SDAD1: variants seen among roughly 807,000 people sequenced by gnomAD.
SDAD1 encodes the protein protein SDA1 homolog.
SDAD1 carries 79 observed loss-of-function variants against 100.3 expected under a neutral mutation model. The ratio of observed to expected loss-of-function variants is 0.79; its 90% CI spans 0.66 to 0.95. The LOEUF is 0.95. Ranked by LOEUF, SDAD1 falls within the 40% of genes least tolerant of loss-of-function variation. SDAD1 has a pLI of 0.00. For missense variants in SDAD1, 790 were observed against 810.9 expected, an observed-to-expected ratio of 0.97 and a Z score of 0.31; for synonymous variants, 267 against 271.4, an observed-to-expected ratio of 0.98 and a Z score of 0.16.
rs889927389 is a variant in SDAD1 at position 75,977,835 on chromosome 4, C to T, written c.295-79G>A. Reference sequence around the variant, plus strand: ...AAAATACAGCGTATATGTCCCAAGACCTTAATGTCTTTTACTAACTAGACA... The same window carrying T: ...AAAATACAGCGTATATGTCCCAAGATCTTAATGTCTTTTACTAACTAGACA... On this transcript the variant is annotated intron_variant, in intron 3 of 21. Coordinates refer to ENST00000356260, the MANE Select transcript of SDAD1 (RefSeq NM_018115.4). 4.9e-6 allele frequency: 4 copies of T among 823,782 alleles called. No homozygotes were observed. The African/African-American group carries it at 6.9e-5, about 14-fold the overall frequency. The allele number at this position is 823,782 out of a possible 1,614,324, so 51.0% of individuals were successfully genotyped here.
intron 21 of SDAD1, among the ~76,000 whole-genome samples, chr4:75,952,047 G>C (rs1241297177): frequency 6.6e-6 from 1 of 152,106 alleles, no homozygotes; most frequent in Non-Finnish European, 1.5e-5. Context: ...TCACACCTGG[G>C]TCTTGGTATG....
chr4:75,987,951 G>A (rs1186102513), intron 1 of SDAD1, among the ~76,000 whole-genome samples: 2 of 152,024 alleles, frequency 1.3e-5, no homozygotes, highest in Non-Finnish European at 2.9e-5. Context: ...AACTTCACTG[G>A]CTGCTTTCTC....
intron 12 of SDAD1, among the ~76,000 whole-genome samples, chr4:75,966,280 AC>A (rs1729537078): frequency 6.8e-6 from 1 of 146,274 alleles, no homozygotes; most frequent in Admixed American, 6.7e-5. Flanking sequence ...ACACACACAC[AC>A]ACACACACAC....
intron 17 of SDAD1, 37 bp from the exon 18 acceptor site, chr4:75,957,978 T>C (rs760832962): frequency 6.6e-7 from 1 of 1,515,848 alleles, no homozygotes; most frequent in Non-Finnish European, 9.2e-7. Flanking sequence ...TGCCATTTTA[T>C]GTTGCACATT....
chr4:75,964,256 C>T (rs757847338), intron 13 of SDAD1, 45 bp from the exon 14 acceptor site: 2 of 1,218,370 alleles, frequency 1.6e-6, no homozygotes, highest in South Asian at 1.2e-5. Flanking sequence ...TAAATGTCTG[C>T]ATACACAAAC....
At chr4:75,976,651 T>A (rs865820416) in intron 4 of SDAD1, among the ~76,000 whole-genome samples, 1 of 152,192 alleles carries the variant, frequency 6.6e-6, no homozygotes, top group Non-Finnish European at 1.5e-5. Context: ...GCAGTGATGG[T>A]TGTACCACGC....
intron 2 of SDAD1, among the ~76,000 whole-genome samples, 168 bp downstream of exon 2, chr4:75,981,765 T>C (rs1261872150): frequency 6.6e-6 from 1 of 152,206 alleles, no homozygotes; most frequent in Non-Finnish European, 1.5e-5. Context: ...TCTAGTGACA[T>C]TCTCTAACTC....
rs1203712339 is a variant in SDAD1, at chr4:75,973,299, A to G, written c.711+18T>C. 1.3e-6 allele frequency: 2 copies of G among 1,588,392 alleles called. No individual in the cohort carries two copies. Among genetic ancestry groups the G allele is most frequent in the African/African-American group, 2.7e-5 (2 of 74,362 alleles). Reference sequence around the variant, plus strand: ...ATAATAAAAGGTAAGATTCAGAAGCAGCTATGATTAAACTAACCTCAGATT... The same window carrying G: ...ATAATAAAAGGTAAGATTCAGAAGCGGCTATGATTAAACTAACCTCAGATT... On this transcript the variant is annotated intron_variant, in intron 8 of 21. Transcript: ENST00000356260.
chr4:75,979,525 G>A (rs1395803910), intron 3 of SDAD1, among the ~76,000 whole-genome samples: 1 of 150,826 alleles, frequency 6.6e-6, no homozygotes, highest in Non-Finnish European at 1.5e-5. Context: ...GCGCGATCTC[G>A]GCTCACTGCA....
intron 14 of SDAD1, 144 bp downstream of exon 14, chr4:75,963,991 C>T: frequency 1.8e-6 from 1 of 564,028 alleles, no homozygotes; most frequent in Non-Finnish European, 3.1e-6. Context: ...AAAAAATTAT[C>T]AAGCCTCCCA....
chr4:75,956,867 T>C (rs1728925610), intron 20 of SDAD1, among the ~76,000 whole-genome samples: 3 of 152,218 alleles, frequency 2.0e-5, no homozygotes, highest in African/African-American at 7.2e-5. Context: ...CCCAGCACTT[T>C]GGGAGGCTGA....
At chr4:75,981,286 A>T in intron 3 of SDAD1, 86 bp downstream of exon 3, 1 of 1,208,634 alleles carries the variant, frequency 8.3e-7, no homozygotes, top group Non-Finnish European at 1.2e-6. Flanking sequence ...GAAGATAATT[A>T]GCTTAGAGGC....
chr4:75,974,812 C>G (rs554924831), intron 6 of SDAD1, among the ~76,000 whole-genome samples: 1 of 151,994 alleles, frequency 6.6e-6, no homozygotes, highest in Non-Finnish European at 1.5e-5. Context: ...GAGGCCGAAG[C>G]GGGTGGATCA....
At chr4:75,961,359 T>C (rs1560539548) in intron 14 of SDAD1, 51 bp from the exon 15 acceptor site, 7 of 1,333,688 alleles carry the variant, frequency 5.2e-6, no homozygotes, top group Non-Finnish European at 6.4e-6. Flanking sequence ...AATTTTTTCA[T>C]GATTCAACAC....
At position 75,973,399 on chromosome 4, in the gene SDAD1, C is replaced by T. The variant is rs201173278; in HGVS notation, c.637-8G>A. 1 of 1,609,566 alleles carries T rather than the reference C, an allele frequency of 6.2e-7. No homozygotes were observed. Among genetic ancestry groups the T allele is most frequent in the Non-Finnish European group, 8.5e-7 (1 of 1,176,428 alleles). On this transcript the variant is annotated splice_polypyrimidine_tract_variant and splice_region_variant and intron_variant, in intron 7 of 21. Transcript: ENST00000356260. ...CAAAGCGGCAACTAATATCTAAACA[C>T]CAATGAGAAAAAAGTCAGCTACTTG...
At chr4:75,963,780 T>C (rs1729385567) in intron 14 of SDAD1, among the ~76,000 whole-genome samples, 1 of 152,192 alleles carries the variant, frequency 6.6e-6, no homozygotes, top group Admixed American at 6.5e-5. Context: ...TGCCATGCCC[T>C]TGGACTTCCC....
chr4:75,962,960 C>T (rs1729331347), intron 14 of SDAD1, among the ~76,000 whole-genome samples: 1 of 152,152 alleles, frequency 6.6e-6, no homozygotes, highest in Admixed American at 6.5e-5. Flanking sequence ...GATATGAAGT[C>T]CTTGTCCATG....
At chr4:75,989,488 A>C (rs558700774) in intron 1 of SDAD1, among the ~76,000 whole-genome samples, 7 of 152,338 alleles carry the variant, frequency 4.6e-5, no homozygotes, top group African/African-American at 1.7e-4. Flanking sequence ...TAGAATAACA[A>C]CACACAGTAG....
At chr4:75,957,751 A>G (rs2149309350) in intron 18 of SDAD1, 43 bp from the exon 19 acceptor site, 1 of 1,612,382 alleles carries the variant, frequency 6.2e-7, no homozygotes, top group Non-Finnish European at 8.5e-7. Flanking sequence ...AGCTCAAGTG[A>G]GAGCTCAGCC....
Sources: allele counts gnomAD v4.1 joint callset (sites outside exome capture counted in the v4.1 genomes callset), GRCh38; gene constraint gnomAD v4.1.1; transcripts MANE v1.5; gene names NCBI Gene and HGNC (gene_info 2026-07-23, HGNC 2026-07-21).